Variants in BCAR3 observed in about 807,000 individuals in gnomAD.
BCAR3 encodes BCAR3 adaptor protein, NSP family member.
A neutral mutation model predicts 80.1 loss-of-function variants in BCAR3; 37 were observed. The observed-to-expected ratio is 0.46, with a 90% confidence interval of 0.36 to 0.61. The LOEUF (loss-of-function observed/expected upper bound fraction) is 0.61. BCAR3 is among the 20% of genes least tolerant of loss of function. The pLI is 0.00. For missense variants in BCAR3, 978 were observed against 1,068.2 expected, an observed-to-expected ratio of 0.92 and a Z score of 1.18; for synonymous variants, 389 against 418.9, an observed-to-expected ratio of 0.93 and a Z score of 0.87.
intron 2 of BCAR3, among the ~76,000 whole-genome samples, chr1:93,644,400 T>C (rs1270419317): frequency 6.6e-6 from 1 of 152,210 alleles, no homozygotes; most frequent in Non-Finnish European, 1.5e-5. Flanking sequence ...ACTCAACCAA[T>C]TGTCAACCAG....
rs528093171 is a variant in BCAR3, at chr1:93,834,573, T to C, written c.-63+10994A>G. ...ACCCAAGAGCCAGGACTGCGCTCTGTAGCCTTTCTGTCCAAACAACGTGAC... is the reference window on the plus strand; with the variant it reads ...ACCCAAGAGCCAGGACTGCGCTCTGCAGCCTTTCTGTCCAAACAACGTGAC... On this transcript the variant is annotated intron_variant, in intron 2 of 13. Transcript: ENST00000370244. Among the ~76,000 whole-genome samples, 5 of 152,360 alleles carry C rather than the reference T, an allele frequency of 3.3e-5. No homozygotes were observed. In the East Asian group the frequency reaches 9.6e-4, roughly 29 times the overall value.
At chr1:93,821,975 A>G (rs946556656) in intron 2 of BCAR3, among the ~76,000 whole-genome samples, 2 of 152,166 alleles carry the variant, frequency 1.3e-5, no homozygotes, top group African/African-American at 4.8e-5. Context: ...GTCACTTGCA[A>G]AGGAGCACCT....
intron 2 of BCAR3, among the ~76,000 whole-genome samples, chr1:93,645,335 A>T (rs992358580): frequency 6.6e-5 from 10 of 152,268 alleles, no homozygotes; most frequent in Non-Finnish European, 1.0e-4. Flanking sequence ...AAGGAGAATG[A>T]TCCCCTTTTG....
intron 3 of BCAR3, among the ~76,000 whole-genome samples, chr1:93,608,887 C>T (rs1307983343): frequency 6.6e-6 from 1 of 152,248 alleles, no homozygotes; most frequent in Non-Finnish European, 1.5e-5. Flanking sequence ...ACATTTCCTG[C>T]AAGGCTTCTT....
chr1:93,829,147 T>C (rs1453424074), intron 2 of BCAR3, among the ~76,000 whole-genome samples: 6 of 152,142 alleles, frequency 3.9e-5, no homozygotes, highest in African/African-American at 1.4e-4. Flanking sequence ...ATTGGTTTTG[T>C]ACAGGCTTGA....
chr1:93,751,107 G>C (rs993609895), intron 2 of BCAR3, among the ~76,000 whole-genome samples: 6 of 152,104 alleles, frequency 3.9e-5, no homozygotes, highest in Admixed American at 1.3e-4. Context: ...CCTTCATCCT[G>C]ACCAGAACTC....
chr1:93,844,013 C>T (rs942171838), intron 2 of BCAR3, among the ~76,000 whole-genome samples: 2 of 152,154 alleles, frequency 1.3e-5, no homozygotes, highest in South Asian at 2.1e-4. Flanking sequence ...ACTAACCACA[C>T]AGTAACTTAA....
intron 2 of BCAR3, chr1:93,754,460 A>G (rs1185967586): frequency 6.6e-6 from 1 of 152,244 alleles, no homozygotes; most frequent in African/African-American, 2.4e-5. Context: ...GAGCTTGCAT[A>G]ATATGGTTTG....
At chr1:93,810,542 T>C (rs1250015589) in intron 2 of BCAR3, among the ~76,000 whole-genome samples, 1 of 152,124 alleles carries the variant, frequency 6.6e-6, no homozygotes, top group Non-Finnish European at 1.5e-5. Flanking sequence ...TCAAAAATGT[T>C]CATGAAAACC....
chr1:93,818,984 G>A (rs571584434), intron 2 of BCAR3, among the ~76,000 whole-genome samples: 3 of 152,214 alleles, frequency 2.0e-5, no homozygotes, highest in Non-Finnish European at 4.4e-5. Flanking sequence ...TTTGTAAATA[G>A]AAAAGTATCA....
At chr1:93,712,215 T>G (rs1650047804) in intron 2 of BCAR3, among the ~76,000 whole-genome samples, 1 of 152,238 alleles carries the variant, frequency 6.6e-6, no homozygotes, top group South Asian at 2.1e-4. Flanking sequence ...ACTTGATCAT[T>G]GTCTGACCCC....
At chr1:93,771,611 T>C (rs1457194875) in intron 2 of BCAR3, among the ~76,000 whole-genome samples, 1 of 152,254 alleles carries the variant, frequency 6.6e-6, no homozygotes, top group Non-Finnish European at 1.5e-5. Context: ...AAGTCATAAG[T>C]TAGAATGTCT....
intron 2 of BCAR3, among the ~76,000 whole-genome samples, chr1:93,839,735 T>C (rs138148255): frequency 1.3e-5 from 2 of 152,348 alleles, no homozygotes; most frequent in African/African-American, 4.8e-5. Flanking sequence ...TATATCAGAT[T>C]GATTCTGAGC....
chr1:93,834,917 TC>T (rs1190811554), intron 2 of BCAR3, among the ~76,000 whole-genome samples: 1 of 152,114 alleles, frequency 6.6e-6, no homozygotes, highest in Non-Finnish European at 1.5e-5. Flanking sequence ...TCACTCCATT[TC>T]CCCATATTTC....
intron 10 of BCAR3, 22 bp downstream of exon 10, chr1:93,567,718 C>T: frequency 6.3e-7 from 1 of 1,599,600 alleles, no homozygotes. Context: ...TAGCCCCATG[C>T]TTGCTCTGCC....
intron 1 of BCAR3, among the ~76,000 whole-genome samples, chr1:93,676,382 T>C (rs1036216167): frequency 2.6e-5 from 4 of 152,140 alleles, no homozygotes; most frequent in East Asian, 1.9e-4. Flanking sequence ...CCACATGAGA[T>C]AGGGGAAAGT....
intron 3 of BCAR3, among the ~76,000 whole-genome samples, chr1:93,621,295 A>T (rs1675301050): frequency 6.6e-6 from 1 of 152,228 alleles, no homozygotes; most frequent in African/African-American, 2.4e-5. Flanking sequence ...AGTAGCTGTG[A>T]GAATCAGTCC....
chr1:93,638,324 G>A (rs758586043), intron 3 of BCAR3, among the ~76,000 whole-genome samples: 11 of 152,136 alleles, frequency 7.2e-5, no homozygotes, highest in Non-Finnish European at 1.5e-4. Flanking sequence ...AATCTCTGTT[G>A]GACAGCTATC....
At chr1:93,686,588 A>G (rs2101960469), upstream of BCAR3, among the ~76,000 whole-genome samples, 1 of 152,328 alleles carries the variant, frequency 6.6e-6, no homozygotes, top group South Asian at 2.1e-4. Flanking sequence ...TAAGAAACTT[A>G]CTCAAGTTCA....
Sources: gnomAD v4.1 joint callset for allele counts (sites outside exome capture counted in the v4.1 genomes callset) on GRCh38, gnomAD v4.1.1 for gene constraint, MANE v1.5 for transcripts, NCBI Gene and HGNC (gene_info 2026-07-23, HGNC 2026-07-21) for gene names.